Variants in IDE observed in about 807,000 individuals in gnomAD.
IDE encodes insulin-degrading enzyme.
In IDE, 58 loss-of-function variants were observed where a neutral mutation model predicts 133.2. The ratio of observed to expected loss-of-function variants is 0.44; its 90% CI spans 0.35 to 0.54. The LOEUF is 0.54. Among genes scored for constraint, IDE ranks in the 20% least tolerant of loss-of-function variants. IDE has a pLI of 0.00. For synonymous variants in IDE, 396 were observed against 421.3 expected, an observed-to-expected ratio of 0.94 and a Z score of 0.73; for missense variants, 981 against 1,234.0, an observed-to-expected ratio of 0.79 and a Z score of 3.07.
intron 4 of IDE, among the ~76,000 whole-genome samples, chr10:92,525,527 G>A: frequency 6.6e-6 from 1 of 152,060 alleles, no homozygotes; most frequent in Non-Finnish European, 1.5e-5. Context: ...GCATAGCACT[G>A]GAAGTCCTAG....
chr10:92,519,641 G>T (rs1449894333), intron 4 of IDE, among the ~76,000 whole-genome samples: 1 of 152,138 alleles, frequency 6.6e-6, no homozygotes, highest in South Asian at 2.1e-4. Flanking sequence ...GGATAATATG[G>T]ATATATGTCC....
intron 1 of IDE, among the ~76,000 whole-genome samples, chr10:92,560,885 C>G (rs954326974): frequency 2.6e-5 from 4 of 152,168 alleles, no homozygotes; most frequent in African/African-American, 9.7e-5. Context: ...GCAAAGCTAA[C>G]ATGCTCTTCC....
At chr10:92,526,295 T>A (rs994952252) in intron 4 of IDE, among the ~76,000 whole-genome samples, 2 of 152,088 alleles carry the variant, frequency 1.3e-5, no homozygotes, top group Non-Finnish European at 2.9e-5. Flanking sequence ...AAAATGTCCA[T>A]ACTATCCAAA....
chr10:92,540,693 T>C (rs1338729911), intron 1 of IDE, among the ~76,000 whole-genome samples: 2 of 152,202 alleles, frequency 1.3e-5, no homozygotes, highest in African/African-American at 4.8e-5. Flanking sequence ...CTAAAACTTC[T>C]GTCCAAACCA....
rs754100007 is a variant in IDE, at chr10:92,470,255, T to C, written c.2207A>G (p.Gln736Arg). The C allele has an allele frequency of 1.3e-6, 2 of 1,598,242 alleles. No individual in the cohort carries two copies. The highest frequency in any genetic ancestry group is 2.3e-5 in the South Asian group (2 of 88,342). ...EALLHGNITK[Q>R]AALGIMQMVE... ...ATTGCTAAAACCTCAACCACCCACCTGCTTTGTTATGTTTCCATGGAGAAG... is the reference window on the plus strand; with the variant it reads ...ATTGCTAAAACCTCAACCACCCACCCGCTTTGTTATGTTTCCATGGAGAAG... Residue 736 changes from glutamine (Q) to arginine (R), a missense_variant and splice_region_variant, in exon 18 of 25, where the codon CAG becomes CGG. Gln to Arg is a conservative substitution (Grantham distance 43). This residue lies in a region of IDE where 660 missense variants were observed against 894.7 expected (regional missense o/e 0.74). Transcript: ENST00000265986.
At chr10:92,473,929 C>G (rs1468067013) in intron 17 of IDE, among the ~76,000 whole-genome samples, 1 of 151,992 alleles carries the variant, frequency 6.6e-6, no homozygotes, top group African/African-American at 2.4e-5. Flanking sequence ...TTGCAATGAG[C>G]TGAGATTGCA....
At chr10:92,570,090 G>A (rs1399119768) in intron 1 of IDE, among the ~76,000 whole-genome samples, 3 of 148,996 alleles carry the variant, frequency 2.0e-5, no homozygotes, top group Admixed American at 2.0e-4. Context: ...CTGGGCAACA[G>A]AACAAGACTC....
At chr10:92,499,848 A>C (rs145945002) in intron 11 of IDE, among the ~76,000 whole-genome samples, 2,294 of 152,230 alleles carry the variant, frequency 0.015, 40 homozygotes, top group South Asian at 0.058. Context: ...TTTAGTGTTT[A>C]TATTTAGGTC....
At chr10:92,523,344 G>A (rs971294246) in intron 4 of IDE, among the ~76,000 whole-genome samples, 12 of 151,660 alleles carry the variant, frequency 7.9e-5, no homozygotes, top group African/African-American at 2.2e-4. Context: ...TCATGCGACC[G>A]CACTCCAGTC....
intron 14 of IDE, among the ~76,000 whole-genome samples, chr10:92,480,232 T>C (rs1846523822): frequency 6.6e-6 from 1 of 152,182 alleles, no homozygotes; most frequent in Non-Finnish European, 1.5e-5. Flanking sequence ...CTATACAACC[T>C]TGCTTACCTT....
chr10:92,561,735 C>G (rs1371876637), intron 1 of IDE, among the ~76,000 whole-genome samples: 1 of 150,982 alleles, frequency 6.6e-6, no homozygotes. Flanking sequence ...GCACTCCAGC[C>G]TGGGTGACAG....
chr10:92,491,364 C>T (rs1847329029), intron 11 of IDE, among the ~76,000 whole-genome samples: 1 of 151,994 alleles, frequency 6.6e-6, no homozygotes, highest in South Asian at 2.1e-4. Context: ...ACGTGACACA[C>T]ATACCCAAGA....
chr10:92,544,349 T>G (rs1254975160), intron 1 of IDE, among the ~76,000 whole-genome samples: 2 of 152,196 alleles, frequency 1.3e-5, no homozygotes, highest in Non-Finnish European at 2.9e-5. Context: ...TCCATTCTCC[T>G]TAAGTGGTGG....
At position 92,454,402 on chromosome 10, in the gene IDE, C is replaced by G; in HGVS notation, c.*42G>C. The G allele has an allele frequency of 7.6e-7, 1 of 1,307,488 alleles. No homozygotes were observed. Among genetic ancestry groups the G allele is most frequent in the South Asian group, 1.2e-5 (1 of 84,970 alleles). 81.0% of individuals were successfully genotyped at this position (1,307,488 alleles called of 1,614,324 possible). A position where few individuals can be genotyped will look rare whatever the true frequency, so the allele number is the denominator to read the frequency against. Reference sequence around the variant, plus strand: ...TGATTTTCTTAGGCTCTGGAAGACTCAGGAATGCATCCACTTGCACTTTCC... The same window carrying G: ...TGATTTTCTTAGGCTCTGGAAGACTGAGGAATGCATCCACTTGCACTTTCC... On this transcript the variant is annotated 3_prime_UTR_variant, in exon 25 of 25. Transcript: ENST00000265986.
chr10:92,514,444 GT>G (rs1174794165), intron 5 of IDE, among the ~76,000 whole-genome samples: 2 of 149,060 alleles, frequency 1.3e-5, no homozygotes, highest in East Asian at 2.0e-4. Context: ...CTTTTTGTGT[GT>G]TTTTTTTTAA....
At chr10:92,495,347 AG>A (rs1253393961) in intron 11 of IDE, among the ~76,000 whole-genome samples, 1 of 151,694 alleles carries the variant, frequency 6.6e-6, no homozygotes, top group South Asian at 2.1e-4. Flanking sequence ...CAGCCTCCTG[AG>A]TAGCTGGGAC....
chr10:92,506,414 G>A (rs1395085670), intron 10 of IDE, 28 bp downstream of exon 10: 2 of 1,093,898 alleles, frequency 1.8e-6, no homozygotes, highest in East Asian at 4.8e-5. Context: ...ACACAGCAAT[G>A]TATACAGTAA....
chr10:92,472,450 C>T (rs1325199772), intron 17 of IDE, among the ~76,000 whole-genome samples: 2 of 152,096 alleles, frequency 1.3e-5, no homozygotes, highest in African/African-American at 2.4e-5. Flanking sequence ...TATTAACTGT[C>T]CTGATAAAAA....
At chr10:92,524,539 T>A (rs190678848) in intron 4 of IDE, among the ~76,000 whole-genome samples, 3 of 106,236 alleles carry the variant, frequency 2.8e-5, no homozygotes, top group East Asian at 4.4e-4. Flanking sequence ...ATAATATATT[T>A]TATATTATAT....
Sources: allele counts gnomAD v4.1 joint callset (sites outside exome capture counted in the v4.1 genomes callset), GRCh38; gene constraint gnomAD v4.1.1; regional missense constraint gnomAD v4.1.1; transcripts MANE v1.5; gene names NCBI Gene and HGNC (gene_info 2026-07-23, HGNC 2026-07-21).